Variants in MUC3A observed in about 807,000 individuals in gnomAD.
MUC3A encodes mucin-3A.
Under a neutral mutation model 109.0 loss-of-function variants are expected in MUC3A, and 109 were observed. That is an observed-to-expected ratio of 1.00 (90% CI 0.86 to 1.17). The LOEUF (loss-of-function observed/expected upper bound fraction) is 1.17, where lower values mean the gene tolerates loss of function less well. Ranked by LOEUF, MUC3A falls within the 50% of genes most tolerant of loss-of-function variation. The pLI is 0.00. For missense variants in MUC3A, 3,537 were observed against 2,469.4 expected (o/e 1.43, Z -9.16); for synonymous variants, 1,398 against 981.4 (o/e 1.42, Z -7.93).
At position 100,959,189 on chromosome 7, in the gene MUC3A, G is replaced by C; in HGVS notation, c.7410G>C (p.Val2470=). The change falls in exon 2 of 12, where the codon GTG becomes GTC. Residue 2470 remains valine (V), a synonymous_variant. Coordinates refer to ENST00000379458, the MANE Select transcript of MUC3A (RefSeq NM_005960.2). ...TSHFTTSETA[V]TPTPVTPSSL... ...ATTTTACTACCTCAGAGACTGCGGT[G>C]ACTCCCACACCTGTAACCCCATCTT... 6.3e-7 allele frequency: 1 copy of C among 1,598,208 alleles called. No individual in the cohort carries two copies. Among genetic ancestry groups the C allele is most frequent in the Non-Finnish European group, 8.5e-7 (1 of 1,179,752 alleles).
chr7:100,965,100 G>T (rs1288439324), intron 6 of MUC3A, 182 bp from the exon 7 acceptor site: 1 of 1,106,578 alleles, frequency 9.0e-7, no homozygotes, highest in Non-Finnish European at 1.3e-6. Context: ...GGATTATTCA[G>T]GGGAGATGAG....
intron 7 of MUC3A, 92 bp downstream of exon 7, chr7:100,965,439 G>C (rs1226639910): frequency 1.3e-6 from 2 of 1,539,302 alleles, no homozygotes; most frequent in East Asian, 2.4e-5. Context: ...GGCAGGGAGA[G>C]ACCTTTGGGG....
intron 5 of MUC3A, 43 bp from the exon 6 acceptor site, chr7:100,964,652 A>C: frequency 6.9e-7 from 1 of 1,442,710 alleles, no homozygotes; most frequent in African/African-American, 2.0e-5. Context: ...AAGGACCCAT[A>C]TGTTCCTGGC....
chr7:100,964,212 G>A, intron 5 of MUC3A: 1 of 220,796 alleles, frequency 4.5e-6, no homozygotes, highest in Non-Finnish European at 9.0e-6. Flanking sequence ...CTAGGCGGGT[G>A]GATCACCTGA....
chr7:100,965,854 G>T lies in MUC3A; in HGVS notation c.9599G>T (p.Gly3200Val), dbSNP rs779343949. 3.8e-6 allele frequency: 6 copies of T among 1,594,016 alleles called. No homozygotes were observed. Among genetic ancestry groups the T allele is most frequent in the Non-Finnish European group, 5.1e-6 (6 of 1,176,834 alleles). The change falls in exon 8 of 12, where the codon GGT becomes GTT. Residue 3200 changes from glycine to valine, a missense_variant. Physicochemically the swap from Gly to Val is moderately radical, Grantham distance 109 (BLOSUM62 -3). Transcript: ENST00000379458. ...GGCCAGTGCGTTCTGGAGACGAGCG[G>T]TCCCACGTGTCGGTAAGGCCCCGCT... ...HQGQCVLETS[G>V]PTCRCYSTDT...
At position 100,967,147 on chromosome 7, in the gene MUC3A, C is replaced by T. The variant is rs1792619608; in HGVS notation, c.9957C>T (p.Thr3319=). 4.4e-6 allele frequency: 7 copies of T among 1,598,548 alleles called. No homozygotes were observed. The highest frequency in any genetic ancestry group is 5.9e-6 in the Non-Finnish European group (7 of 1,179,820). ...MKVHIKRPEM[T]SSSV ...TGCACATCAAGAGACCCGAGATGACCTCGTCCTCAGTGTGAGCCCTGCGGG... is the reference window on the plus strand; with the variant it reads ...TGCACATCAAGAGACCCGAGATGACTTCGTCCTCAGTGTGAGCCCTGCGGG... The change falls in exon 12 of 12, where the codon ACC becomes ACT. Residue 3319 remains threonine (T), a synonymous_variant. Coordinates refer to ENST00000379458, the MANE Select transcript of MUC3A (RefSeq NM_005960.2).
chr7:100,958,941 A>T lies in MUC3A; in HGVS notation c.7162A>T (p.Ser2388Cys). ...CACCACCACTGAGACCCCCTTACAC[A>T]GTACTCCTGGCCTCACTTCGTGGGT... ...SITTTETPLHSTPGLTSWVTT... is the reference protein window; with the variant it reads ...SITTTETPLHCTPGLTSWVTT... Residue 2388 changes from serine to cysteine, a missense_variant, in exon 2 of 12, where the codon AGT (serine) becomes TGT (cysteine). Physicochemically the swap from Ser to Cys is moderately radical, Grantham distance 112. Coordinates refer to ENST00000379458, the MANE Select transcript of MUC3A (RefSeq NM_005960.2). The T allele has an allele frequency of 6.3e-7, 1 of 1,589,652 alleles. No individual in the cohort carries two copies. The highest frequency in any genetic ancestry group is 8.5e-7 in the Non-Finnish European group (1 of 1,175,808).
At position 100,959,631 on chromosome 7, in the gene MUC3A, A is replaced by G; in HGVS notation, c.7852A>G (p.Thr2618Ala). Residue 2618 changes from threonine (T) to alanine (A), a missense_variant, in exon 2 of 12, where the codon ACA becomes GCA. Thr to Ala is a moderately conservative substitution (Grantham distance 58). Coordinates refer to ENST00000379458, the MANE Select transcript of MUC3A (RefSeq NM_005960.2). ...TSTLHTLTPS[T>A]ALSTIVSTSQ... ...CACTCTTCATACTCTTACTCCATCAACAGCCTTGAGCACGATCGTGTCAAC... is the reference window on the plus strand; with the variant it reads ...CACTCTTCATACTCTTACTCCATCAGCAGCCTTGAGCACGATCGTGTCAAC... The G allele has an allele frequency of 6.3e-7, 1 of 1,598,510 alleles. No individual in the cohort carries two copies. The highest frequency in any genetic ancestry group is 8.5e-7 in the Non-Finnish European group (1 of 1,179,770).
rs969074589 is a variant in MUC3A, at chr7:100,955,748, A to T, written c.3969A>T (p.Ala1323=). The T allele has an allele frequency of 5.9e-5, 24 of 403,496 alleles. No individual in the cohort carries two copies. Among genetic ancestry groups the T allele is most frequent in the African/African-American group, 4.9e-4 (22 of 44,624 alleles). 25.0% of individuals were successfully genotyped at this position (403,496 alleles called of 1,614,324 possible). ...TIHTTAESAL[A]PTTTTSFTTS... is the part of the protein sequence containing the mutation. ...ACACAACAGCTGAATCCGCCCTGGC[A>T]CCCACTACCACCACCTCATTCACCA... The change falls in exon 2 of 12, where the codon GCA becomes GCT. Residue 1323 remains alanine, a synonymous_variant. Transcript: ENST00000379458.
At position 100,960,870 on chromosome 7, in the gene MUC3A, C is replaced by T. The variant is rs1162387879; in HGVS notation, c.8985C>T (p.Leu2995=). The T allele has an allele frequency of 1.3e-5, 21 of 1,598,388 alleles. No homozygotes were observed. Among genetic ancestry groups the T allele is most frequent in the Admixed American group, 1.7e-5 (1 of 60,014 alleles). The change falls in exon 3 of 12, where the codon CTC becomes CTT. Residue 2995 remains leucine (L), a synonymous_variant. Transcript: ENST00000379458. The part of the protein sequence containing the change: ...RCQNGGQWDG[L]KCQCPSTFYG... ...AGAATGGGGGTCAGTGGGATGGCCTCAAATGCCAGTGCCCCAGCACCTTCT... is the reference window on the plus strand; with the variant it reads ...AGAATGGGGGTCAGTGGGATGGCCTTAAATGCCAGTGCCCCAGCACCTTCT...
intron 5 of MUC3A, chr7:100,964,069 G>T: frequency 1.9e-6 from 1 of 515,578 alleles, no homozygotes; most frequent in Non-Finnish European, 3.5e-6. Flanking sequence ...ATTAGAAAGA[G>T]AGAGAGAGAA....
intron 1 of MUC3A, among the ~76,000 whole-genome samples, 165 bp from the exon 2 acceptor site, chr7:100,951,676 A>T (rs1441530110): frequency 9.6e-4 from 146 of 151,932 alleles, no homozygotes; most frequent in African/African-American, 3.5e-3. Context: ...CCAGCACCAC[A>T]AAGCACCCAG....
Position 100,967,116 on chromosome 7 carries a change from G to C in MUC3A, c.9931-5G>C, listed in dbSNP as rs1013786642. The C allele has an allele frequency of 6.3e-7, 1 of 1,598,428 alleles. No homozygotes were observed. Among genetic ancestry groups the C allele is most frequent in the African/African-American group, 1.3e-5 (1 of 74,962 alleles). On this transcript the variant is annotated splice_region_variant and splice_polypyrimidine_tract_variant and intron_variant, in intron 11 of 11. Coordinates refer to ENST00000379458, the MANE Select transcript of MUC3A (RefSeq NM_005960.2). ...CGTTCCCGTCCCTCACTGTGACTCT[G>C]ACAGGTGCACATCAAGAGACCCGAG...
rs1256092937 is a variant in MUC3A at position 100,966,598 on chromosome 7, C to G, written c.9785+39C>G. ...GGGCGGGGCCGGGGGGCGAGGGCAG[C>G]CAAGGGGTCCCAGGCGGGCCGGCTC... On this transcript the variant is annotated intron_variant, in intron 9 of 11. Coordinates refer to ENST00000379458, the MANE Select transcript of MUC3A (RefSeq NM_005960.2). 1.9e-6 allele frequency: 3 copies of G among 1,595,560 alleles called. No individual in the cohort carries two copies. The African/African-American group carries it at 4.0e-5, about 21-fold the overall frequency.
chr7:100,966,295 C>T (rs1358451429), intron 8 of MUC3A, 91 bp from the exon 9 acceptor site: 4 of 1,248,642 alleles, frequency 3.2e-6, no homozygotes, highest in East Asian at 3.1e-5. Flanking sequence ...GGCTGGAGCC[C>T]CGCCCCCTCA....
chr7:100,959,077 C>G lies in MUC3A; in HGVS notation c.7298C>G (p.Thr2433Ser), dbSNP rs1236000832. The change falls in exon 2 of 12, where the codon ACT becomes AGT. Residue 2433 changes from threonine to serine, a missense_variant. Thr to Ser is a moderately conservative substitution (Grantham distance 58). Coordinates refer to ENST00000379458, the MANE Select transcript of MUC3A (RefSeq NM_005960.2). ...GGCTTCACTTCTTCAATCACCACCACTGAGACCACCTCAGAGAGTACTCCC... is the reference window on the plus strand; with the variant it reads ...GGCTTCACTTCTTCAATCACCACCAGTGAGACCACCTCAGAGAGTACTCCC... ...TPGFTSSITT[T>S]ETTSESTPSL... 7 of 1,594,638 alleles carry G rather than the reference C, an allele frequency of 4.4e-6. No individual in the cohort carries two copies. The highest frequency in any genetic ancestry group is 1.3e-5 in the African/African-American group (1 of 74,854).
chr7:100,952,144 A>C lies in MUC3A; in HGVS notation c.365A>C (p.Tyr122Ser), dbSNP rs758900990. The change falls in exon 2 of 12, where the codon TAT becomes TCT. Residue 122 changes from tyrosine to serine, a missense_variant. Coordinates refer to ENST00000379458, the MANE Select transcript of MUC3A (RefSeq NM_005960.2). ...ACCACTCCACCCACCGTGTTGGTCTATTCAGCCACCACTGAGTGCGTGTAT... is the reference window on the plus strand; with the variant it reads ...ACCACTCCACCCACCGTGTTGGTCTCTTCAGCCACCACTGAGTGCGTGTAT... ...VETTPPTVLV[Y>S]SATTECVYPT... The C allele has an allele frequency of 1.1e-5, 18 of 1,598,554 alleles. No individual in the cohort carries two copies. Among genetic ancestry groups the C allele is most frequent in the African/African-American group, 2.7e-5 (2 of 75,080 alleles).
chr7:100,965,197 G>C lies in MUC3A; in HGVS notation c.9383-85G>C, dbSNP rs1015046368. The C allele has an allele frequency of 2.0e-4, 318 of 1,556,052 alleles. No homozygotes were observed. The African/African-American group carries it at 3.8e-3, about 18-fold the overall frequency. ...AGAGAGCCCTCACTGCCCTCCCTGTGCCTATCCTGCCTCCTGGCGCTAACC... is the reference window on the plus strand; with the variant it reads ...AGAGAGCCCTCACTGCCCTCCCTGTCCCTATCCTGCCTCCTGGCGCTAACC... On this transcript the variant is annotated intron_variant, in intron 6 of 11. Coordinates refer to ENST00000379458, the MANE Select transcript of MUC3A (RefSeq NM_005960.2).
At chr7:100,964,581 A>T (rs1406810437) in intron 5 of MUC3A, 114 bp from the exon 6 acceptor site, 1 of 1,451,958 alleles carries the variant, frequency 6.9e-7, no homozygotes, top group African/African-American at 1.4e-5. Context: ...ATCCCAACTC[A>T]TGACCTCTGC....
Sources: gnomAD v4.1 joint callset for allele counts (sites outside exome capture counted in the v4.1 genomes callset) on GRCh38, gnomAD v4.1.1 for gene constraint, MANE v1.5 for transcripts, NCBI Gene and HGNC (gene_info 2026-07-23, HGNC 2026-07-21) for gene names.